Variants in PLEC observed in about 807,000 individuals in gnomAD.
PLEC encodes plectin.
A neutral mutation model predicts 392.8 loss-of-function variants in PLEC; 216 were observed. The observed-to-expected ratio is 0.55, with a 90% confidence interval of 0.49 to 0.62. The LOEUF is 0.62. Among genes scored for constraint, PLEC ranks in the 20% least tolerant of loss-of-function variants. The pLI, the probability that PLEC is intolerant of heterozygous loss-of-function variation, is 0.00. For missense variants in PLEC, 6,863 were observed against 6,563.4 expected (o/e 1.05, Z -1.58); for synonymous variants, 3,621 against 2,980.6 (o/e 1.21, Z -7.00).
At chr8:143,941,715 A>G (rs1554728820), upstream of PLEC, among the ~76,000 whole-genome samples, 2 of 98,644 alleles carry the variant, frequency 2.0e-5, no homozygotes, top group African/African-American at 8.1e-5. Flanking sequence ...TGACCCTAAA[A>G]CCAACAGACA....
intron 1 of PLEC, among the ~76,000 whole-genome samples, chr8:143,972,852 G>C (rs1403070470): frequency 6.6e-6 from 1 of 152,210 alleles, no homozygotes; most frequent in Non-Finnish European, 1.5e-5. Context: ...TGCTCCCCTA[G>C]AGAGGAAGGA....
intron 11 of PLEC, 48 bp from the exon 12 acceptor site, chr8:143,934,139 A>G (rs1828258990): frequency 1.3e-6 from 2 of 1,596,968 alleles, no homozygotes. Context: ...GGTCCGGCAC[A>G]GCCCTGGCCA....
chr8:143,956,686 A>G (rs1394917406), upstream of PLEC, among the ~76,000 whole-genome samples: 1 of 152,192 alleles, frequency 6.6e-6, no homozygotes, highest in East Asian at 1.9e-4. Context: ...TCCCCCCTGA[A>G]GTCAAGCTGC....
chr8:143,942,352 G>T, upstream of PLEC: 1 of 1,597,378 alleles, frequency 6.3e-7, no homozygotes. Flanking sequence ...GAGAGCGATG[G>T]TGGCCCCTTC....
chr8:143,930,365 A>G lies in PLEC; in HGVS notation c.2457+19T>C. ...CCTGCCTGGCCACGCCCCCCAGTGG[A>G]CCCCCGGCCTGCGCTCACCTCCACC... On this transcript the variant is annotated intron_variant, in intron 20 of 31. Transcript: ENST00000345136. The G allele has an allele frequency of 1.3e-6, 2 of 1,576,100 alleles. No homozygotes were observed. Among genetic ancestry groups the G allele is most frequent in the East Asian group, 2.3e-5 (1 of 43,218 alleles).
Position 143,925,059 on chromosome 8 carries a change from G to C in PLEC, c.4870C>G (p.Arg1624Gly). ...AQQQAEAERAREEAERELERW... is the reference protein window; with the variant it reads ...AQQQAEAERAGEEAERELERW... ...TCCAGCTCCCGCTCTGCCTCCTCGC[G>C]CGCCCGCTCGGCCTCGGCCTGCTGC... Residue 1624 changes from arginine to glycine, a missense_variant, in exon 31 of 32, where the codon CGC becomes GGC. Transcript: ENST00000345136. 6.5e-7 allele frequency: 1 copy of C among 1,542,530 alleles called. No individual in the cohort carries two copies. Among genetic ancestry groups the C allele is most frequent in the Middle Eastern group, 1.8e-4 (1 of 5,666 alleles).
intron 1 of PLEC, 27 bp downstream of exon 1, chr8:143,939,323 G>A (rs537955584): frequency 6.7e-5 from 107 of 1,599,866 alleles, no homozygotes; most frequent in African/African-American, 1.1e-4. Context: ...CCTGCCTGGC[G>A]GGGGTGCCCG....
At position 143,927,036 on chromosome 8, in the gene PLEC, C is replaced by T. The variant is rs1554706466; in HGVS notation, c.3886G>A (p.Val1296Met). The change falls in exon 29 of 32, where the codon GTG (valine) becomes ATG (methionine). Residue 1296 changes from valine (V) to methionine (M), a missense_variant. Physicochemically the swap from Val to Met is conservative, Grantham distance 21. Coordinates refer to ENST00000345136, the MANE Select transcript of PLEC (RefSeq NM_201384.3). ...LVTYKAQLEP[V>M]ASPAKKPKVQ... Reference sequence around the variant, plus strand: ...TTGGGCTTCTTGGCCGGGGAGGCCACCGGCTCAAGCTGCGCCTTGTACGTC... The same window carrying T: ...TTGGGCTTCTTGGCCGGGGAGGCCATCGGCTCAAGCTGCGCCTTGTACGTC... 3 of 1,612,556 alleles carry T rather than the reference C, an allele frequency of 1.9e-6. No homozygotes were observed. Among genetic ancestry groups the T allele is most frequent in the Non-Finnish European group, 1.7e-6 (2 of 1,180,000 alleles).
Position 143,929,440 on chromosome 8 carries a change from A to T in PLEC, c.3055T>A (p.Cys1019Ser). The change falls in exon 24 of 32, where the codon TGT (cysteine) becomes AGT (serine). Residue 1019 changes from cysteine to serine, a missense_variant. Coordinates refer to ENST00000345136, the MANE Select transcript of PLEC (RefSeq NM_201384.3). Reference sequence around the variant, plus strand: ...TGCTGCTCGGCGATGCGCTGGGCACACTCCCGTGCCGGCTCTTTGTCCAGC... The same window carrying T: ...TGCTGCTCGGCGATGCGCTGGGCACTCTCCCGTGCCGGCTCTTTGTCCAGC... ...LPLDKEPARE[C>S]AQRIAEQQKA... 1 of 1,579,484 alleles carries T rather than the reference A, an allele frequency of 6.3e-7. No homozygotes were observed. The highest frequency in any genetic ancestry group is 8.6e-7 in the Non-Finnish European group (1 of 1,164,842).
At chr8:143,926,724 TG>T in intron 30 of PLEC, 59 bp downstream of exon 30, 1 of 1,375,352 alleles carries the variant, frequency 7.3e-7, no homozygotes, top group Non-Finnish European at 1.0e-6. Flanking sequence ...TGGCTGTGTG[TG>T]GGACACAACA....
chr8:143,946,294 A>C (rs1324241657), intron 1 of PLEC: 5 of 1,220,222 alleles, frequency 4.1e-6, no homozygotes, highest in Non-Finnish European at 5.4e-6. Context: ...GGTCTGCCAG[A>C]GGCGGCCCCG....
At chr8:143,949,680 G>A (rs1831900752) in intron 1 of PLEC, among the ~76,000 whole-genome samples, 1 of 152,210 alleles carries the variant, frequency 6.6e-6, no homozygotes, top group South Asian at 2.1e-4. Flanking sequence ...GTCCAAGCTG[G>A]CCAAGCACTC....
upstream of PLEC, among the ~76,000 whole-genome samples, chr8:143,952,213 C>T (rs1174307955): frequency 2.4e-5 from 2 of 84,198 alleles, no homozygotes; most frequent in Non-Finnish European, 5.2e-5. Flanking sequence ...CACACACGCG[C>T]GCACACACGC....
upstream of PLEC, among the ~76,000 whole-genome samples, chr8:143,955,703 G>A (rs540024590): frequency 3.7e-4 from 56 of 150,208 alleles, no homozygotes; most frequent in African/African-American, 1.2e-3. Flanking sequence ...GGGCTCAAGC[G>A]ATGCCCCCAC....
chr8:143,931,919 G>T lies in PLEC; in HGVS notation c.2178+18C>A, dbSNP rs1554715857. The T allele has an allele frequency of 2.5e-6, 4 of 1,593,228 alleles. No homozygotes were observed. Among genetic ancestry groups the T allele is most frequent in the Admixed American group, 3.4e-5 (2 of 58,588 alleles). On this transcript the variant is annotated intron_variant, in intron 18 of 31. Coordinates refer to ENST00000345136, the MANE Select transcript of PLEC (RefSeq NM_201384.3). ...GGCTGCCGCTGAGCCACAGTGCGGA[G>T]GGGGCTCCGGTTCTCACCTGAAAGT...
rs782738947 is a variant in PLEC, at chr8:143,921,057, C to A, written c.8764G>T (p.Val2922Leu). 4 of 1,612,152 alleles carry A rather than the reference C, an allele frequency of 2.5e-6. No homozygotes were observed. The highest frequency in any genetic ancestry group is 3.4e-6 in the Non-Finnish European group (4 of 1,180,002). ...GAGTTGATGATCTCCCAAATGGTCA[C>A]CGTCTTGCCCTGGAACTTGCCGAAC... ...APFGKFQGKT[V>L]TIWEIINSEY... is the part of the protein sequence containing the mutation. Residue 2922 changes from valine to leucine, a missense_variant, in exon 32 of 32, where the codon GTG becomes TTG. Coordinates refer to ENST00000345136, the MANE Select transcript of PLEC (RefSeq NM_201384.3).
rs782298790 is a variant in PLEC, at chr8:143,925,255, C to T, written c.4674G>A (p.Glu1558=). Reference sequence around the variant, plus strand: ...GGGCCACCTGTACCTGCCGCGCTCGCTCCACCTCGGCCTGCCGCAGGCGCC... The same window carrying T: ...GGGCCACCTGTACCTGCCGCGCTCGTTCCACCTCGGCCTGCCGCAGGCGCC... ...AERRLRQAEV[E]RARQVQVALE... The change falls in exon 31 of 32, where the codon GAG becomes GAA. Residue 1558 remains glutamate, a synonymous_variant. Coordinates refer to ENST00000345136, the MANE Select transcript of PLEC (RefSeq NM_201384.3). The T allele has an allele frequency of 3.5e-5, 55 of 1,585,648 alleles. No individual in the cohort carries two copies. The highest frequency in any genetic ancestry group is 3.3e-5 in the Non-Finnish European group (39 of 1,174,130).
chr8:143,922,006 G>C lies in PLEC; in HGVS notation c.7815C>G (p.His2605Gln). 2 of 1,598,124 alleles carry C rather than the reference G, an allele frequency of 1.3e-6. No homozygotes were observed. Among genetic ancestry groups the C allele is most frequent in the Admixed American group, 1.7e-5 (1 of 59,974 alleles). Residue 2605 changes from histidine (H) to glutamine (Q), a missense_variant, in exon 32 of 32, where the codon CAC (histidine) becomes CAG (glutamine). By Grantham distance (24) the His-to-Gln change is conservative. Coordinates refer to ENST00000345136, the MANE Select transcript of PLEC (RefSeq NM_201384.3). ...REQLQLLEEQ[H>Q]RAALAHSEEV... ...CCTCTGAGTGCGCCAGCGCGGCCCG[G>C]TGCTGCTCCTCCAGGAGCTGCAGCT...
rs560911074 is a variant in PLEC at position 143,929,127 on chromosome 8, C to A, written c.3236G>T (p.Ser1079Ile). 2 of 1,582,356 alleles carry A rather than the reference C, an allele frequency of 1.3e-6. No homozygotes were observed. The highest frequency in any genetic ancestry group is 1.3e-5 in the African/African-American group (1 of 74,572). The change falls in exon 25 of 32, where the codon AGC (serine) becomes ATC (isoleucine). Residue 1079 changes from serine to isoleucine, a missense_variant. By Grantham distance (142) the Ser-to-Ile change is moderately radical. Transcript: ENST00000345136. ...CTTCTCCAGGTAGATGGCAGACAGG[C>A]TGCGGACCTGCTCCAGCTTGCCCAG... ...LTLGKLEQVR[S>I]LSAIYLEKLK...
Sources: allele counts gnomAD v4.1 joint callset (sites outside exome capture counted in the v4.1 genomes callset), GRCh38; gene constraint gnomAD v4.1.1; transcripts MANE v1.5; gene names NCBI Gene and HGNC (gene_info 2026-07-23, HGNC 2026-07-21).